Variants in NEDD9 observed in about 807,000 individuals in gnomAD.
The protein encoded by NEDD9 is neural precursor cell expressed, developmentally down-regulated 9.
In NEDD9, 26 loss-of-function variants were observed where a neutral mutation model predicts 76.6. That is an observed-to-expected ratio of 0.34 (90% CI 0.25 to 0.47). The LOEUF is 0.47. Among genes scored for constraint, NEDD9 ranks in the 20% least tolerant of loss-of-function variants. The pLI, the probability that NEDD9 is intolerant of heterozygous loss-of-function variation, is 1.00. For missense variants in NEDD9, 937 were observed against 1,058.5 expected (o/e 0.89, Z 1.59); for synonymous variants, 392 against 414.2 (o/e 0.95, Z 0.65).
At chr6:11,296,174 A>G (rs897596437) in intron 3 of NEDD9, among the ~76,000 whole-genome samples, 4 of 152,098 alleles carry the variant, frequency 2.6e-5, no homozygotes, top group Non-Finnish European at 5.9e-5. Context: ...CCCTGCAGAC[A>G]CCTTATCTTG....
intron 1 of NEDD9, among the ~76,000 whole-genome samples, chr6:11,351,880 G>A (rs577386437): frequency 2.3e-4 from 35 of 152,352 alleles, no homozygotes; most frequent in Non-Finnish European, 4.3e-4. Flanking sequence ...ATCTAGCAGT[G>A]GGTGAAGACA....
chr6:11,190,118 G>A lies in NEDD9; in HGVS notation c.1751C>T (p.Ser584Phe). Residue 584 changes from serine (S) to phenylalanine (F), a missense_variant, in exon 5 of 7, where the codon TCC (serine) becomes TTC (phenylalanine). Transcript: ENST00000379446. This position sits in a 1 kb window ranked among gnomAD's most constrained non-coding sequence, Gnocchi z 5.8. ...MNSTEYPHGG[S>F]QGQLLHPGDH... is the part of the protein sequence containing the mutation. Reference sequence around the variant, plus strand: ...ACCAGGATGCAGCAGCTGTCCCTGGGAGCCACCGTGTGGGTACTCCGTTGA... The same window carrying A: ...ACCAGGATGCAGCAGCTGTCCCTGGAAGCCACCGTGTGGGTACTCCGTTGA... The A allele has an allele frequency of 6.2e-7, 1 of 1,612,774 alleles. No homozygotes were observed.
rs1762861696 is a variant in NEDD9, at chr6:11,370,847, G to A, written c.-214+11292C>T. On this transcript the variant is annotated intron_variant, in intron 1 of 3. Transcript: ENST00000397378. This position sits in a 1 kb window ranked among gnomAD's most constrained non-coding sequence, Gnocchi z 4.2. ...CATAAGCCAGTACGTCAGTCTGCAC[G>A]GCGTCGGGTGGTGTTGAGGACAGGT... 6.6e-6 allele frequency among the ~76,000 whole-genome samples: 1 copy of A among 152,222 alleles called. No individual in the cohort carries two copies. The highest frequency in any genetic ancestry group is 2.4e-5 in the African/African-American group (1 of 41,448).
intron 1 of NEDD9, among the ~76,000 whole-genome samples, chr6:11,369,329 AC>A (rs1762819144): frequency 6.6e-6 from 1 of 152,358 alleles, no homozygotes; most frequent in African/African-American, 2.4e-5. Flanking sequence ...AATTAACAAA[AC>A]AAGAAAACAA....
At chr6:11,312,844 A>G (rs1269081106) in intron 2 of NEDD9, among the ~76,000 whole-genome samples, 1 of 152,112 alleles carries the variant, frequency 6.6e-6, no homozygotes, top group Non-Finnish European at 1.5e-5. Flanking sequence ...TAGGTAATTG[A>G]TACTACTCTT....
chr6:11,300,550 A>T (rs1276929395), intron 3 of NEDD9, among the ~76,000 whole-genome samples: 1 of 152,176 alleles, frequency 6.6e-6, no homozygotes, highest in East Asian at 1.9e-4. Flanking sequence ...TAACCCCAAG[A>T]CACATAATTG....
intron 3 of NEDD9, among the ~76,000 whole-genome samples, chr6:11,292,887 G>T (rs140273336): frequency 6.6e-6 from 1 of 152,204 alleles, no homozygotes; most frequent in Non-Finnish European, 1.5e-5. Flanking sequence ...CTCAAGCAGA[G>T]GGCTTCATGA....
chr6:11,225,154 T>C (rs1759273991), intron 1 of NEDD9, among the ~76,000 whole-genome samples: 1 of 152,202 alleles, frequency 6.6e-6, no homozygotes, highest in Non-Finnish European at 1.5e-5. Flanking sequence ...TTCAAATTAA[T>C]TTCAAAAGGG....
rs140759285 is a variant in NEDD9 at position 11,324,056 on chromosome 6, C to A, written c.-153+10445G>T. Among the ~76,000 whole-genome samples the A allele has an allele frequency of 1.0e-3, 158 of 152,308 alleles. 1 individual carries two copies. Among genetic ancestry groups the A allele is most frequent in the African/African-American group, 3.6e-3 (151 of 41,564 alleles). On this transcript the variant is annotated intron_variant, in intron 2 of 3. Coordinates refer to the NEDD9 transcript ENST00000397378. ...GCCACGTCCAGACACATGAAACGAA[C>A]CTCACAGCCCCACAAGGATGCCGGG...
At chr6:11,311,546 T>C (rs745351594) in intron 2 of NEDD9, among the ~76,000 whole-genome samples, 3 of 152,232 alleles carry the variant, frequency 2.0e-5, no homozygotes, top group Non-Finnish European at 2.9e-5. Flanking sequence ...TTCCATCTTA[T>C]GCAAGTTAGT....
rs554975838 is a variant in NEDD9 at position 11,203,745 on chromosome 6, C to T, written c.459+9536G>A. Among the ~76,000 whole-genome samples the T allele has an allele frequency of 9.2e-5, 14 of 152,144 alleles. No homozygotes were observed. In the South Asian group the frequency reaches 2.3e-3, roughly 25 times the overall value. On this transcript the variant is annotated intron_variant, in intron 2 of 6. Coordinates refer to ENST00000379446, the MANE Select transcript of NEDD9 (RefSeq NM_006403.4). ...GGAACTCTGGAAGTTTTTTTGGGTACAGGACCCAGGTCTGTCAAACACTGA... is the reference window on the plus strand; with the variant it reads ...GGAACTCTGGAAGTTTTTTTGGGTATAGGACCCAGGTCTGTCAAACACTGA...
At chr6:11,349,211 A>G (rs184714470) in intron 1 of NEDD9, among the ~76,000 whole-genome samples, 39 of 152,364 alleles carry the variant, frequency 2.6e-4, no homozygotes, top group Non-Finnish European at 2.6e-4. Context: ...CATCAAAACT[A>G]CAATGAGATA....
At chr6:11,332,273 T>A (rs955851650) in intron 2 of NEDD9, among the ~76,000 whole-genome samples, 1 of 152,182 alleles carries the variant, frequency 6.6e-6, no homozygotes, top group African/African-American at 2.4e-5. Context: ...CCAATGAAAC[T>A]TTCAACTGTC....
intron 3 of NEDD9, among the ~76,000 whole-genome samples, chr6:11,263,969 A>C (rs1760158941): frequency 2.0e-5 from 3 of 152,190 alleles, no homozygotes; most frequent in Non-Finnish European, 4.4e-5. Context: ...CTTATTAGCT[A>C]TCTGAACACG....
At chr6:11,275,479 T>C (rs1760395529) in intron 3 of NEDD9, among the ~76,000 whole-genome samples, 1 of 152,134 alleles carries the variant, frequency 6.6e-6, no homozygotes, top group South Asian at 2.1e-4. Flanking sequence ...TGCACAAACA[T>C]TCAAAAGATC....
intron 3 of NEDD9, among the ~76,000 whole-genome samples, chr6:11,281,389 G>A (rs766034545): frequency 5.3e-5 from 8 of 152,226 alleles, no homozygotes; most frequent in Non-Finnish European, 1.2e-4. Flanking sequence ...TAATTATGCA[G>A]GAGGTTGCTG....
chr6:11,282,454 C>T (rs897746088), intron 3 of NEDD9, among the ~76,000 whole-genome samples: 1 of 152,178 alleles, frequency 6.6e-6, no homozygotes, highest in African/African-American at 2.4e-5. Flanking sequence ...AACCTTGACT[C>T]TTCCTCTGAA....
chr6:11,358,239 A>G (rs1762616421), intron 1 of NEDD9, among the ~76,000 whole-genome samples: 1 of 118,660 alleles, frequency 8.4e-6, no homozygotes, highest in African/African-American at 3.3e-5. Context: ...ACAGAGCAAG[A>G]CTCCGTCAAA....
chr6:11,280,917 CT>C (rs773077863), intron 3 of NEDD9, among the ~76,000 whole-genome samples: 3 of 152,180 alleles, frequency 2.0e-5, no homozygotes, highest in Non-Finnish European at 4.4e-5. Context: ...TTGCTGGGAT[CT>C]TTTCTAATAC....
Sources: allele counts gnomAD v4.1 joint callset (sites outside exome capture counted in the v4.1 genomes callset), GRCh38; gene constraint gnomAD v4.1.1; non-coding constraint Gnocchi (gnomAD v3.1); transcripts MANE v1.5; gene names NCBI Gene and HGNC (gene_info 2026-07-23, HGNC 2026-07-21).